Variants in CDC73 observed in about 807,000 individuals in gnomAD.
The protein encoded by CDC73 is parafibromin.
A neutral mutation model predicts 83.7 loss-of-function variants in CDC73; 21 were observed. That is an observed-to-expected ratio of 0.25 (90% CI 0.18 to 0.36). The LOEUF (loss-of-function observed/expected upper bound fraction) is 0.36, where lower values mean the gene tolerates loss of function less well. CDC73 is among the 10% of genes least tolerant of loss of function. The pLI is 1.00. For missense variants in CDC73, 342 were observed against 653.3 expected (o/e 0.52, Z 5.19); for synonymous variants, 224 against 212.9 (o/e 1.05, Z -0.45).
chr1:193,226,168 G>A (rs946083793), intron 13 of CDC73, among the ~76,000 whole-genome samples: 13 of 152,110 alleles, frequency 8.5e-5, no homozygotes, highest in Admixed American at 7.2e-4. Context: ...ACCATATGTT[G>A]AATAGGTTGT....
rs542769741 is a variant in CDC73 at position 193,166,432 on chromosome 1, C to T, written c.972+13988C>T. On this transcript the variant is annotated intron_variant, in intron 10 of 16. Transcript: ENST00000367435. ...CAGAGATTACAGGTGTGAGCCACTG[C>T]GCCCAGCCTTAAGTGTGTTTTCATT... is the stretch of plus-strand genomic sequence containing the variant. 5.3e-5 allele frequency among the ~76,000 whole-genome samples: 8 copies of T among 152,174 alleles called. No individual in the cohort carries two copies. The South Asian group carries it at 1.0e-3, about 20-fold the overall frequency.
chr1:193,211,328 C>A (rs1677276818), intron 11 of CDC73, among the ~76,000 whole-genome samples: 1 of 152,162 alleles, frequency 6.6e-6, no homozygotes, highest in Non-Finnish European at 1.5e-5. Flanking sequence ...GCAAAAGTAG[C>A]ACGAATTTCT....
chr1:193,127,427 A>G (rs1344430352), intron 2 of CDC73, among the ~76,000 whole-genome samples: 4 of 152,122 alleles, frequency 2.6e-5, no homozygotes, highest in Non-Finnish European at 5.9e-5. Flanking sequence ...ATTTAAAAAA[A>G]TAAAATTAGA....
intron 13 of CDC73, among the ~76,000 whole-genome samples, chr1:193,224,891 T>TA (rs916050074): frequency 4.0e-5 from 6 of 151,832 alleles, no homozygotes; most frequent in African/African-American, 7.2e-5. Context: ...CTTTTGTCTT[T>TA]AAAAAAAAAT....
intron 2 of CDC73, among the ~76,000 whole-genome samples, chr1:193,128,590 C>T (rs796890453): frequency 4.6e-5 from 7 of 152,268 alleles, no homozygotes; most frequent in African/African-American, 1.7e-4. Flanking sequence ...CAGGCATGAA[C>T]CACCATGCCT....
chr1:193,194,868 A>G (rs1174382739), intron 10 of CDC73, among the ~76,000 whole-genome samples: 2 of 152,108 alleles, frequency 1.3e-5, no homozygotes, highest in African/African-American at 2.4e-5. Flanking sequence ...CTCTAGAGAA[A>G]TGAAGCCAAT....
At chr1:193,188,037 T>C (rs1016864489) in intron 10 of CDC73, among the ~76,000 whole-genome samples, 2 of 152,226 alleles carry the variant, frequency 1.3e-5, no homozygotes, top group Non-Finnish European at 2.9e-5. Context: ...TAAAATAACT[T>C]ATTTTCCAGA....
In CDC73 at chr1:193,122,436, A is replaced by C. The variant is rs971586598; in HGVS notation, c.131+105A>C. 2.0e-5 allele frequency: 29 copies of C among 1,436,178 alleles called. No homozygotes were observed. The Middle Eastern group carries it at 6.2e-4, about 31-fold the overall frequency. The allele number at this position is 1,436,178 out of a possible 1,614,324, so 89.0% of individuals were successfully genotyped here. ...CCCCGTTTCCCCTGGGGATGGGATAAAACGGGTGTTCGGGGAAAAGAAAGT... is the reference window on the plus strand; with the variant it reads ...CCCCGTTTCCCCTGGGGATGGGATACAACGGGTGTTCGGGGAAAAGAAAGT... On this transcript the variant is annotated intron_variant, in intron 1 of 16. Transcript: ENST00000367435.
intron 2 of CDC73, among the ~76,000 whole-genome samples, chr1:193,126,954 C>A (rs1482746670): frequency 6.6e-6 from 1 of 152,030 alleles, no homozygotes; most frequent in African/African-American, 2.4e-5. Flanking sequence ...ATCTTTCAAA[C>A]AATAACTTGT....
chr1:193,161,629 TA>T lies in CDC73; in HGVS notation c.972+9186del, dbSNP rs1676312193. 7.0e-5 allele frequency among the ~76,000 whole-genome samples: 3 copies of T among 42,914 alleles called. 1 individual carries two copies. The Admixed American group carries it at 1.1e-3, about 16-fold the overall frequency. 28.2% of individuals were successfully genotyped at this position (42,914 alleles called of 152,430 possible). ...TAGATAATATATATTATATGATAGA[TA>T]TATAATATATTATATAATATATAAT... On this transcript the variant is annotated intron_variant, in intron 10 of 16. Transcript: ENST00000367435.
At chr1:193,138,826 G>C (rs954352223) in intron 6 of CDC73, among the ~76,000 whole-genome samples, 1 of 142,138 alleles carries the variant, frequency 7.0e-6, no homozygotes, top group Non-Finnish European at 1.5e-5. Flanking sequence ...CCAGGCTAGA[G>C]TGCAGTGGTG....
intron 10 of CDC73, among the ~76,000 whole-genome samples, chr1:193,172,497 T>C (rs7518792): frequency 0.67 from 101,703 of 151,836 alleles, 34,503 homozygotes; most frequent in South Asian, 0.78. Flanking sequence ...GCCTTTTATG[T>C]GTTCCTACCT....
In CDC73 at chr1:193,232,871, C is replaced by G. The variant is rs10921328; in HGVS notation, c.1155-122C>G. Reference sequence around the variant, plus strand: ...TGAGCCAAGATTGCACCACTGCACTCTAGCCTGGGCAATAAGAAAAAACTC... The same window carrying G: ...TGAGCCAAGATTGCACCACTGCACTGTAGCCTGGGCAATAAGAAAAAACTC... On this transcript the variant is annotated intron_variant, in intron 13 of 16. Coordinates refer to ENST00000367435, the MANE Select transcript of CDC73 (RefSeq NM_024529.5). 0.66 allele frequency: 521,309 copies of G among 791,784 alleles called. 173,826 individuals are homozygous for G. Among genetic ancestry groups the G allele is most frequent in the South Asian group, 0.77 (46,900 of 61,284 alleles). 49.0% of individuals were successfully genotyped at this position (791,784 alleles called of 1,614,324 possible). A position where few individuals can be genotyped will look rare whatever the true frequency, so the allele number is the denominator to read the frequency against.
chr1:193,176,195 C>A (rs1471509116), intron 10 of CDC73, among the ~76,000 whole-genome samples: 8 of 152,172 alleles, frequency 5.3e-5, no homozygotes, highest in Non-Finnish European at 1.2e-4. Flanking sequence ...TTTGTGGTTA[C>A]TTTTGGGGCT....
chr1:193,165,822 A>G (rs573788102), intron 10 of CDC73, among the ~76,000 whole-genome samples: 2 of 152,338 alleles, frequency 1.3e-5, no homozygotes, highest in Admixed American at 1.3e-4. Context: ...TGAGCATGCT[A>G]ACATTTGGTC....
intron 14 of CDC73, among the ~76,000 whole-genome samples, chr1:193,235,937 G>A (rs1004286375): frequency 6.6e-6 from 1 of 152,040 alleles, no homozygotes; most frequent in Non-Finnish European, 1.5e-5. Flanking sequence ...GGAAAAGTGG[G>A]CCACTACTCT....
At chr1:193,203,744 T>C in intron 10 of CDC73, 51 bp from the exon 11 acceptor site, 1 of 1,346,188 alleles carries the variant, frequency 7.4e-7, no homozygotes, top group Non-Finnish European at 1.1e-6. Flanking sequence ...TTAAAGTGTT[T>C]ATTATGTAAA....
chr1:193,213,367 A>AT (rs11326996), intron 13 of CDC73, among the ~76,000 whole-genome samples: 25 of 148,638 alleles, frequency 1.7e-4, no homozygotes, highest in Admixed American at 2.7e-4. Flanking sequence ...TCCTCAGTAG[A>AT]TTTTTTTTTT....
intron 11 of CDC73, among the ~76,000 whole-genome samples, chr1:193,207,224 G>T (rs1165298591): frequency 6.6e-6 from 1 of 152,076 alleles, no homozygotes; most frequent in Non-Finnish European, 1.5e-5. Context: ...TTTAAAAGGG[G>T]TATACGAACA....
Sources: allele counts gnomAD v4.1 joint callset (sites outside exome capture counted in the v4.1 genomes callset), GRCh38; gene constraint gnomAD v4.1.1; transcripts MANE v1.5; gene names NCBI Gene and HGNC (gene_info 2026-07-23, HGNC 2026-07-21).